Variants in PCDHA1 observed in about 807,000 individuals in gnomAD.
PCDHA1 encodes protocadherin alpha-1.
In PCDHA1, 42 loss-of-function variants were observed where a neutral mutation model predicts 61.3. The ratio of observed to expected loss-of-function variants is 0.69; its 90% CI spans 0.54 to 0.89. The LOEUF (loss-of-function observed/expected upper bound fraction) is 0.89. PCDHA1 is among the 40% of genes least tolerant of loss of function. The pLI is 0.00. For missense variants in PCDHA1, 1,256 were observed against 1,235.3 expected (o/e 1.02, Z -0.25); for synonymous variants, 610 against 553.8 (o/e 1.10, Z -1.43).
At chr5:140,933,833 A>C (rs944428844) in intron 1 of PCDHA1, among the ~76,000 whole-genome samples, 1 of 151,928 alleles carries the variant, frequency 6.6e-6, no homozygotes, top group Non-Finnish European at 1.5e-5. Flanking sequence ...TATTGCTCCT[A>C]TTTCATTCCT....
intron 1 of PCDHA1, chr5:140,866,995 A>G (rs1294829153): frequency 1.3e-5 from 2 of 152,138 alleles, no homozygotes; most frequent in Non-Finnish European, 2.9e-5. Flanking sequence ...AATGCAAAAG[A>G]TGGGTCATTG....
chr5:140,936,545 G>A (rs1456098221), intron 1 of PCDHA1, among the ~76,000 whole-genome samples: 1 of 152,202 alleles, frequency 6.6e-6, no homozygotes, highest in African/African-American at 2.4e-5. Context: ...ATAGTGCAAT[G>A]TAGAAGTCAA....
chr5:140,851,473 G>A, intron 1 of PCDHA1: 4 of 889,518 alleles, frequency 4.5e-6, no homozygotes, highest in African/African-American at 1.8e-5. Context: ...GTCAATAAAT[G>A]TTATAAACAC....
intron 1 of PCDHA1, chr5:140,882,409 C>A: frequency 6.2e-7 from 1 of 1,614,158 alleles, no homozygotes; most frequent in Non-Finnish European, 8.5e-7. Flanking sequence ...TCGTGGGCCG[C>A]ATCGCTCAGG....
intron 1 of PCDHA1, chr5:140,966,848 C>T (rs573027963): frequency 1.3e-6 from 2 of 1,571,846 alleles, no homozygotes; most frequent in East Asian, 2.3e-5. Flanking sequence ...GCTACTGCCT[C>T]TCCTGCTGCT....
At chr5:140,967,498 T>A (rs1554229623) in intron 1 of PCDHA1, 3 of 1,613,108 alleles carry the variant, frequency 1.9e-6, no homozygotes, top group Non-Finnish European at 2.5e-6. Flanking sequence ...CACAGATCTC[T>A]GTGCGTGTCC....
chr5:140,828,231 G>C (rs1554131117), intron 1 of PCDHA1: 7 of 1,613,882 alleles, frequency 4.3e-6, no homozygotes, highest in Non-Finnish European at 5.9e-6. Context: ...TTCGTGGGCC[G>C]GATCGCGCAG....
At chr5:140,990,662 T>C (rs1554251660) in intron 3 of PCDHA1, among the ~76,000 whole-genome samples, 1 of 152,182 alleles carries the variant, frequency 6.6e-6, no homozygotes, top group African/African-American at 2.4e-5. Context: ...ATGATTTACA[T>C]TAGATGCACA....
chr5:140,876,883 G>T (rs192756440), intron 1 of PCDHA1: 45 of 1,614,016 alleles, frequency 2.8e-5, no homozygotes, highest in Non-Finnish European at 3.6e-5. Context: ...CAACCCGCCG[G>T]GCTGCCACAT....
chr5:140,851,068 A>G lies in PCDHA1; in HGVS notation c.2394+62384A>G, dbSNP rs563336540. ...CGACTTTGTCTTGACTTCTAGTGAG[A>G]ATTATAAACTGTATATTAAATAGAT... On this transcript the variant is annotated intron_variant, in intron 1 of 3. Transcript: ENST00000504120. The G allele has an allele frequency of 1.3e-4, 170 of 1,354,166 alleles. 16 individuals carry two copies. Among genetic ancestry groups the G allele is most frequent in the Middle Eastern group, 2.2e-4 (1 of 4,590 alleles). 83.9% of individuals were successfully genotyped at this position (1,354,166 alleles called of 1,614,324 possible).
At chr5:140,808,443 C>T in intron 1 of PCDHA1, 2 of 1,614,198 alleles carry the variant, frequency 1.2e-6, no homozygotes, top group Non-Finnish European at 1.7e-6. Flanking sequence ...GAGAGCGTGT[C>T]AGCCTATGAG....
At chr5:140,890,596 C>T (rs1236261988) in intron 1 of PCDHA1, among the ~76,000 whole-genome samples, 5 of 152,064 alleles carry the variant, frequency 3.3e-5, no homozygotes, top group African/African-American at 1.2e-4. Context: ...AGCCCTTTTC[C>T]GAATAGCTAG....
chr5:140,809,506 C>T (rs1764485255), intron 1 of PCDHA1: 1 of 1,614,088 alleles, frequency 6.2e-7, no homozygotes, highest in Non-Finnish European at 8.5e-7. Context: ...TGGCCTTCAG[C>T]CCCAGTTTAC....
At chr5:140,968,167 A>C (rs782252124) in intron 1 of PCDHA1, 1 of 1,614,076 alleles carries the variant, frequency 6.2e-7, no homozygotes, top group Admixed American at 1.7e-5. Flanking sequence ...ACAATCCACC[A>C]AGCTTCCTGG....
intron 1 of PCDHA1, among the ~76,000 whole-genome samples, chr5:140,790,172 A>G (rs1323416389): frequency 5.3e-5 from 8 of 152,188 alleles, no homozygotes; most frequent in African/African-American, 1.9e-4. Context: ...TTGATTACTG[A>G]TGATTGTGTA....
At chr5:140,830,695 C>T (rs1771206789) in intron 1 of PCDHA1, 1 of 285,150 alleles carries the variant, frequency 3.5e-6, no homozygotes, top group African/African-American at 2.2e-5. Context: ...ACAATCTGCA[C>T]CTCAGAATTT....
At chr5:140,919,643 C>CTA (rs1244015726) in intron 1 of PCDHA1, among the ~76,000 whole-genome samples, 7 of 152,192 alleles carry the variant, frequency 4.6e-5, no homozygotes, top group Non-Finnish European at 8.8e-5. Flanking sequence ...AGTAGTTTCT[C>CTA]TAGAGTTTAC....
rs1446677911 is a variant in PCDHA1 at position 140,786,742 on chromosome 5, G to A, written c.452G>A (p.Arg151His). 11 of 1,614,086 alleles carry A rather than the reference G, an allele frequency of 6.8e-6. No individual in the cohort carries two copies. Among genetic ancestry groups the A allele is most frequent in the Non-Finnish European group, 9.3e-6 (11 of 1,180,038 alleles). ...CCTGAATCTAGACTCCTGAATTCGC[G>A]TTTTCCGATAGAAGGAGCTGCTGAT... is the stretch of plus-strand genomic sequence containing the variant. ...FIPESRLLNSRFPIEGAADAD... is the reference protein window; with the variant it reads ...FIPESRLLNSHFPIEGAADAD... The change falls in exon 1 of 4, where the codon CGT becomes CAT. Residue 151 changes from arginine (R) to histidine (H), a missense_variant. Physicochemically the swap from Arg to His is conservative, Grantham distance 29. Transcript: ENST00000504120.
rs1761323827 is a variant in PCDHA1, at chr5:140,786,656, G to A, written c.366G>A (p.Lys122=). Residue 122 remains lysine (K), a synonymous_variant, in exon 1 of 4, where the codon AAG becomes AAA. Coordinates refer to ENST00000504120, the MANE Select transcript of PCDHA1 (RefSeq NM_018900.4). ...TGCAGGTTTTCCATGTGGAGGTGAA[G>A]GTGAAAGACATTAACGATAATCCAC... The part of the protein sequence containing the change: ...RPLQVFHVEV[K]VKDINDNPPV... 2 of 1,614,228 alleles carry A rather than the reference G, an allele frequency of 1.2e-6. No individual in the cohort carries two copies. The highest frequency in any genetic ancestry group is 1.7e-5 in the Admixed American group (1 of 60,030).
Sources: gnomAD v4.1 joint callset for allele counts (sites outside exome capture counted in the v4.1 genomes callset) on GRCh38, gnomAD v4.1.1 for gene constraint, MANE v1.5 for transcripts, NCBI Gene and HGNC (gene_info 2026-07-23, HGNC 2026-07-21) for gene names.